Variants in METTL15 observed in about 807,000 individuals in gnomAD.
The protein encoded by METTL15 is methyltransferase 15, mitochondrial 12S rRNA N4-cytidine, also known as 12S rRNA N(4)-cytidine methyltransferase METTL15.
In METTL15, 34 loss-of-function variants were observed where a neutral mutation model predicts 38.3. The observed-to-expected ratio is 0.89, with a 90% CI of 0.68 to 1.18. The LOEUF (loss-of-function observed/expected upper bound fraction) is 1.18. Ranked by LOEUF, METTL15 falls within the 50% of genes most tolerant of loss-of-function variation. The pLI is 0.00. For synonymous variants in METTL15, 162 were observed against 170.9 expected, an observed-to-expected ratio of 0.95 and a Z score of 0.41; for missense variants, 438 against 498.4, an observed-to-expected ratio of 0.88 and a Z score of 1.15.
At chr11:28,509,113 T>G (rs187065363) in intron 6 of METTL15, among the ~76,000 whole-genome samples, 9 of 152,332 alleles carry the variant, frequency 5.9e-5, no homozygotes, top group Admixed American at 2.6e-4. Flanking sequence ...GCAATTTCTA[T>G]GCTTTCTTGA....
intron 3 of METTL15, among the ~76,000 whole-genome samples, chr11:28,169,435 A>G (rs1439225453): frequency 6.6e-6 from 1 of 152,150 alleles, no homozygotes; most frequent in Non-Finnish European, 1.5e-5. Flanking sequence ...TTAAAATTAT[A>G]TTAGAAATTA....
intron 3 of METTL15, among the ~76,000 whole-genome samples, chr11:28,173,953 A>G (rs760212121): frequency 2.6e-5 from 4 of 152,152 alleles, no homozygotes; most frequent in Non-Finnish European, 5.9e-5. Flanking sequence ...TGTCAAGGGT[A>G]TGTACTATCA....
chr11:28,185,468 A>G (rs1448478993), intron 3 of METTL15, among the ~76,000 whole-genome samples: 7 of 151,588 alleles, frequency 4.6e-5, no homozygotes, highest in African/African-American at 1.4e-4. Context: ...TTTAGAATAG[A>G]CTAAATATAT....
intron 5 of METTL15, among the ~76,000 whole-genome samples, chr11:28,295,332 C>T (rs1285607556): frequency 6.6e-6 from 1 of 152,080 alleles, no homozygotes; most frequent in African/African-American, 2.4e-5. Flanking sequence ...GACCAGGATT[C>T]TAATCCAGAT....
chr11:28,417,621 T>A (rs1260235120), intron 5 of METTL15, among the ~76,000 whole-genome samples: 2 of 152,162 alleles, frequency 1.3e-5, no homozygotes, highest in Non-Finnish European at 2.9e-5. Flanking sequence ...AGTCATATGT[T>A]TGAGGTTGGA....
chr11:28,207,540 G>A (rs1001332399), intron 3 of METTL15, among the ~76,000 whole-genome samples: 2 of 151,754 alleles, frequency 1.3e-5, no homozygotes, highest in African/African-American at 2.4e-5. Context: ...TTTGCATCAG[G>A]GTTCATCAAG....
chr11:28,385,211 C>G (rs923686033), intron 5 of METTL15, among the ~76,000 whole-genome samples: 2 of 152,154 alleles, frequency 1.3e-5, no homozygotes, highest in African/African-American at 4.8e-5. Flanking sequence ...GTTATGAAAT[C>G]TTTGCTCATT....
At chr11:28,459,897 G>T (rs561924151) in intron 6 of METTL15, among the ~76,000 whole-genome samples, 1 of 152,050 alleles carries the variant, frequency 6.6e-6, no homozygotes, top group South Asian at 2.1e-4. Context: ...AATTTCTTGT[G>T]GCTTCTGTTG....
intron 3 of METTL15, among the ~76,000 whole-genome samples, chr11:28,349,578 C>A (rs968025517): frequency 6.6e-6 from 1 of 152,134 alleles, no homozygotes; most frequent in Non-Finnish European, 1.5e-5. Flanking sequence ...AATTTAATAA[C>A]ACTATTTGCT....
chr11:28,134,197 A>G (rs1433966449), intron 3 of METTL15, among the ~76,000 whole-genome samples: 1 of 152,190 alleles, frequency 6.6e-6, no homozygotes, highest in Non-Finnish European at 1.5e-5. Context: ...TGGACATTGA[A>G]GAGCGAGTAG....
At chr11:28,204,014 A>G (rs889334232) in intron 3 of METTL15, among the ~76,000 whole-genome samples, 2 of 152,040 alleles carry the variant, frequency 1.3e-5, no homozygotes, top group African/African-American at 4.8e-5. Context: ...AATGAGTCTT[A>G]TATTTTGAAG....
chr11:28,360,845 TC>T (rs1850131733), intron 4 of METTL15, among the ~76,000 whole-genome samples: 1 of 127,328 alleles, frequency 7.9e-6, no homozygotes, highest in South Asian at 2.9e-4. Context: ...AGTGTGATGT[TC>T]CCCTTCCTGT....
Position 28,296,911 on chromosome 11 carries a change from A to G in METTL15, c.758A>G (p.Gln253Arg). The G allele has an allele frequency of 6.2e-7, 1 of 1,613,538 alleles. No homozygotes were observed. Among genetic ancestry groups the G allele is most frequent in the Non-Finnish European group, 8.5e-7 (1 of 1,179,656 alleles). The change falls in exon 6 of 7, where the codon CAG (glutamine) becomes CGG (arginine). Residue 253 changes from glutamine to arginine, a missense_variant. Coordinates refer to ENST00000407364, the MANE Select transcript of METTL15 (RefSeq NM_001113528.2). Reference protein sequence around the residue: ...RSIYPITRTQQLASIVAGAFP... With the variant: ...RSIYPITRTQRLASIVAGAFP... ...ATCTACCCCATCACCAGAACCCAGCAGCTTGCCAGCATCGTTGCAGGTAGC... is the reference window on the plus strand; with the variant it reads ...ATCTACCCCATCACCAGAACCCAGCGGCTTGCCAGCATCGTTGCAGGTAGC...
chr11:28,313,424 A>G (rs1360584497), intron 6 of METTL15, among the ~76,000 whole-genome samples: 1 of 152,086 alleles, frequency 6.6e-6, no homozygotes, highest in East Asian at 1.9e-4. Context: ...TTCATTATTA[A>G]TAATCAATGA....
chr11:28,174,541 A>G (rs1450138617), intron 3 of METTL15, among the ~76,000 whole-genome samples: 2 of 152,144 alleles, frequency 1.3e-5, no homozygotes, highest in East Asian at 3.9e-4. Flanking sequence ...TGGGTCAGGC[A>G]CAGTGACTCA....
intron 5 of METTL15, among the ~76,000 whole-genome samples, chr11:28,366,929 A>C (rs531473591): frequency 6.6e-6 from 1 of 152,324 alleles, no homozygotes; most frequent in South Asian, 2.1e-4. Flanking sequence ...AAGCAAGCAT[A>C]AAGCCAAGAA....
Position 28,241,541 on chromosome 11 carries a change from GA to G in METTL15, c.407+30357del, listed in dbSNP as rs796511518. Among the ~76,000 whole-genome samples, 921 of 99,538 alleles carry G rather than the reference GA, an allele frequency of 9.3e-3. 7 individuals are homozygous for G. Among genetic ancestry groups the G allele is most frequent in the African/African-American group, 0.026 (713 of 27,002 alleles). 65.3% of individuals were successfully genotyped at this position (99,538 alleles called of 152,430 possible). A position where few individuals can be genotyped will look rare whatever the true frequency, so the allele number is the denominator to read the frequency against. ...AGAGGGAGACCCCGTCTCAAAAAAA[GA>G]AAAAAAAAAAAAAGAAAACCAGAGA... On this transcript the variant is annotated intron_variant, in intron 4 of 6. Coordinates refer to ENST00000407364, the MANE Select transcript of METTL15 (RefSeq NM_001113528.2).
At chr11:28,149,730 A>T (rs933678588) in intron 3 of METTL15, among the ~76,000 whole-genome samples, 2 of 151,908 alleles carry the variant, frequency 1.3e-5, no homozygotes, top group Non-Finnish European at 2.9e-5. Context: ...GAACTGGTAT[A>T]TGACTTTGGA....
intron 3 of METTL15, among the ~76,000 whole-genome samples, chr11:28,344,874 T>C (rs746964445): frequency 6.6e-6 from 1 of 152,228 alleles, no homozygotes; most frequent in East Asian, 1.9e-4. Flanking sequence ...AGAAGCTACA[T>C]TGAGGAAAGT....
Sources: allele counts gnomAD v4.1 joint callset (sites outside exome capture counted in the v4.1 genomes callset), GRCh38; gene constraint gnomAD v4.1.1; transcripts MANE v1.5; gene names NCBI Gene and HGNC (gene_info 2026-07-23, HGNC 2026-07-21).